Variants in SLC34A3 observed in about 807,000 individuals in gnomAD.
SLC34A3 encodes sodium-dependent phosphate transport protein 2C.
Under a neutral mutation model 43.9 loss-of-function variants are expected in SLC34A3, and 60 were observed. The observed-to-expected ratio is 1.37, with a 90% CI of 1.11 to 1.70. The LOEUF (loss-of-function observed/expected upper bound fraction) is 1.70. SLC34A3 is among the 40% of genes most tolerant of loss of function. SLC34A3 has a pLI of 0.00. For missense variants in SLC34A3, 969 were observed against 823.8 expected (o/e 1.18, Z -2.16); for synonymous variants, 451 against 386.2 (o/e 1.17, Z -1.97).
rs983070559 is a variant in SLC34A3 at position 137,232,509 on chromosome 9, G to A, written c.176-66G>A. On this transcript the variant is annotated intron_variant, in intron 3 of 12. Coordinates refer to ENST00000673835, the MANE Select transcript of SLC34A3 (RefSeq NM_001177316.2). ...AGAGGAGAGAGGGGGCAGAGAATGA[G>A]GGGCCTGGGAGGGAGACCTGTCAGG... The A allele has an allele frequency of 2.0e-5, 32 of 1,599,200 alleles. No individual in the cohort carries two copies. In the African/African-American group the frequency reaches 2.7e-4, roughly 13 times the overall value.
In SLC34A3 at chr9:137,236,505, T is replaced by G; in HGVS notation, c.*89T>G. On this transcript the variant is annotated 3_prime_UTR_variant, in exon 13 of 13. Coordinates refer to ENST00000673835, the MANE Select transcript of SLC34A3 (RefSeq NM_001177316.2). ...GGGGGGGTCCCCGCGGCAGCTGACC[T>G]CCGGTCACCTGCTTCCCCTTCTGTG... is the stretch of plus-strand genomic sequence containing the variant. 3 of 1,048,628 alleles carry G rather than the reference T, an allele frequency of 2.9e-6. No individual in the cohort carries two copies. The highest frequency in any genetic ancestry group is 4.3e-6 in the Non-Finnish European group (3 of 704,134). 65.0% of individuals were successfully genotyped at this position (1,048,628 alleles called of 1,614,324 possible).
At chr9:137,235,412 T>C (rs1836530838) in intron 12 of SLC34A3, among the ~76,000 whole-genome samples, 1 of 152,136 alleles carries the variant, frequency 6.6e-6, no homozygotes, top group Non-Finnish European at 1.5e-5. Flanking sequence ...CGCTCGTTCT[T>C]CTTGCCTCTG....
intron 9 of SLC34A3, 47 bp downstream of exon 9, chr9:137,233,988 C>G (rs773241274): frequency 8.0e-6 from 12 of 1,492,264 alleles, no homozygotes; most frequent in South Asian, 1.3e-5. Flanking sequence ...CACACTCCCC[C>G]TCACCGGCCC....
In SLC34A3 at chr9:137,234,140, G is replaced by A. The variant is rs774385997; in HGVS notation, c.957G>A (p.Thr319=). 1.1e-5 allele frequency: 18 copies of A among 1,592,862 alleles called. No individual in the cohort carries two copies. Among genetic ancestry groups the A allele is most frequent in the East Asian group, 2.3e-5 (1 of 44,334 alleles). ...CRHLFAGTEL[T]DLAVGCILLA... ...ACCTGTTTGCGGGCACGGAGCTCAC[G>A]GACCTGGCCGTGGGCTGCATCCTGC... The change falls in exon 10 of 13, where the codon ACG becomes ACA. Residue 319 remains threonine, a synonymous_variant. Transcript: ENST00000673835. The surrounding 1 kb of genome is among the most constrained non-coding windows in gnomAD (Gnocchi z 6.9).
Position 137,232,799 on chromosome 9 carries a change from A to G in SLC34A3, c.320A>G (p.Asp107Gly), listed in dbSNP as rs200389769. 4.5e-5 allele frequency: 72 copies of G among 1,613,064 alleles called. No homozygotes were observed. The African/African-American group carries it at 6.8e-4, about 15-fold the overall frequency. The change falls in exon 5 of 13, where the codon GAC becomes GGC. Residue 107 changes from aspartate (D) to glycine (G), a missense_variant. Physicochemically the swap from Asp to Gly is moderately conservative, Grantham distance 94. Transcript: ENST00000673835. ...FQLLGSKVAG[D>G]IFKDNVVLSN... ...GCCGGTGTAGGCAAAGTGGCCGGAGACATCTTCAAGGACAACGTGGTGCTG... is the reference window on the plus strand; with the variant it reads ...GCCGGTGTAGGCAAAGTGGCCGGAGGCATCTTCAAGGACAACGTGGTGCTG...
intron 12 of SLC34A3, among the ~76,000 whole-genome samples, chr9:137,235,418 C>T (rs1489677995): frequency 6.6e-6 from 1 of 152,202 alleles, no homozygotes; most frequent in Admixed American, 6.5e-5. Flanking sequence ...TTCTTCTTGC[C>T]TCTGCCCTGT....
In SLC34A3 at chr9:137,234,501, C is replaced by G; in HGVS notation, c.1179C>G (p.Ser393Arg). 2 of 1,604,730 alleles carry G rather than the reference C, an allele frequency of 1.2e-6. No homozygotes were observed. The highest frequency in any genetic ancestry group is 4.5e-5 in the East Asian group (2 of 44,804). The change falls in exon 11 of 13, where the codon AGC becomes AGG. Residue 393 changes from serine (S) to arginine (R), a missense_variant. By Grantham distance (110) the Ser-to-Arg change is moderately radical. Transcript: ENST00000673835. This position sits in a 1 kb window ranked among gnomAD's most constrained non-coding sequence, Gnocchi z 6.9. The part of the protein sequence containing the change: ...AGLTFALQSS[S>R]VFTAAVVPLM... ...TGACCTTCGCACTGCAGAGCAGCAG[C>G]GTCTTCACGGCGGCCGTCGTGCCCC...
rs121918235 is a variant in SLC34A3 at position 137,234,634 on chromosome 9, C to T, written c.1238C>T (p.Ala413Val). ...GTCGGGGTGATCAGTCTGGACCGGGCGTACCCCCTCTTACTGGGCTCCAAC... is the reference window on the plus strand; with the variant it reads ...GTCGGGGTGATCAGTCTGGACCGGGTGTACCCCCTCTTACTGGGCTCCAAC... ...MGVGVISLDRAYPLLLGSNIG... is the reference protein window; with the variant it reads ...MGVGVISLDRVYPLLLGSNIG... The change falls in exon 12 of 13, where the codon GCG becomes GTG. Residue 413 changes from alanine to valine, a missense_variant. Transcript: ENST00000673835. This position sits in a 1 kb window ranked among gnomAD's most constrained non-coding sequence, Gnocchi z 6.9. 22 of 1,612,334 alleles carry T rather than the reference C, an allele frequency of 1.4e-5. No individual in the cohort carries two copies. The highest frequency in any genetic ancestry group is 1.7e-5 in the Admixed American group (1 of 59,984).
chr9:137,236,523 C>G lies in SLC34A3; in HGVS notation c.*107C>G, dbSNP rs553682484. On this transcript the variant is annotated 3_prime_UTR_variant, in exon 13 of 13. Transcript: ENST00000673835. ...GCTGACCTCCGGTCACCTGCTTCCC[C>G]TTCTGTGCAAATAAACCAGGCTGTT... is the stretch of plus-strand genomic sequence containing the variant. 2.5e-5 allele frequency: 24 copies of G among 945,958 alleles called. No individual in the cohort carries two copies. Among genetic ancestry groups the G allele is most frequent in the Non-Finnish European group, 3.3e-5 (20 of 611,430 alleles). 58.6% of individuals were successfully genotyped at this position (945,958 alleles called of 1,614,324 possible). A position where few individuals can be genotyped will look rare whatever the true frequency, so the allele number is the denominator to read the frequency against.
Position 137,232,929 on chromosome 9 carries a change from T to C in SLC34A3, c.448+2T>C, listed in dbSNP as rs929081423. ...TGGTCAGCATGGTGGCTGCTAAGCGTGGGTGCACACTCCCTCCCCGGGTGG... is the reference window on the plus strand; with the variant it reads ...TGGTCAGCATGGTGGCTGCTAAGCGCGGGTGCACACTCCCTCCCCGGGTGG... On this transcript the variant is annotated splice_donor_variant, in intron 5 of 12. Coordinates refer to ENST00000673835, the MANE Select transcript of SLC34A3 (RefSeq NM_001177316.2). LOFTEE classifies it high-confidence loss of function. 6 of 1,573,132 alleles carry C rather than the reference T, an allele frequency of 3.8e-6. No homozygotes were observed. The highest frequency in any genetic ancestry group is 5.2e-6 in the Non-Finnish European group (6 of 1,158,706).
At chr9:137,233,779 T>TGGGGCCCCCCCCCCCCCCC in intron 8 of SLC34A3, 57 bp downstream of exon 8, 1 of 1,445,824 alleles carries the variant, frequency 6.9e-7, no homozygotes, top group Non-Finnish European at 9.6e-7. Context: ...TGCTGAGTCA[T>TGGGGCCCCCCCCCCCCCCC]CCCGCCCCAC....
At chr9:137,229,807 C>G (rs1159520005), upstream of SLC34A3, among the ~76,000 whole-genome samples, 1 of 152,130 alleles carries the variant, frequency 6.6e-6, no homozygotes, top group Non-Finnish European at 1.5e-5. Flanking sequence ...TTCCTGGCTC[C>G]GAGCAGCCAC....
In SLC34A3 at chr9:137,236,479, A is replaced by T; in HGVS notation, c.*63A>T. On this transcript the variant is annotated 3_prime_UTR_variant, in exon 13 of 13. Transcript: ENST00000673835. ...CTGGGAGGGCTCTGGAGGGCCCTGG[A>T]GGGGGGGTCCCCGCGGCAGCTGACC... The T allele has an allele frequency of 2.1e-6, 3 of 1,407,522 alleles. No homozygotes were observed. The highest frequency in any genetic ancestry group is 2.0e-5 in the Admixed American group (1 of 50,740). 87.2% of individuals were successfully genotyped at this position (1,407,522 alleles called of 1,614,324 possible).
chr9:137,231,988 GC>G (rs1450130798), intron 2 of SLC34A3, 83 bp from the exon 3 acceptor site: 11 of 1,376,894 alleles, frequency 8.0e-6, no homozygotes, highest in African/African-American at 1.4e-5. Flanking sequence ...TTACGCCTCA[GC>G]CCGTCCTCCG....
Position 137,232,100 on chromosome 9 carries a change from G to A in SLC34A3, c.114G>A (p.Glu38=), listed in dbSNP as rs1181248664. 2 of 1,613,280 alleles carry A rather than the reference G, an allele frequency of 1.2e-6. No individual in the cohort carries two copies. The highest frequency in any genetic ancestry group is 2.2e-5 in the South Asian group (2 of 91,088). ...EGTSSSAPVL[E]EGDTDPWTLP... Reference sequence around the variant, plus strand: ...CCTCCAGTTCTGCTCCAGTCTTGGAGGAAGGGGACACAGACCCCTGGACCC... The same window carrying A: ...CCTCCAGTTCTGCTCCAGTCTTGGAAGAAGGGGACACAGACCCCTGGACCC... Residue 38 remains glutamate (E), a synonymous_variant, in exon 3 of 13, where the codon GAG becomes GAA. Transcript: ENST00000673835.
Position 137,232,640 on chromosome 9 carries a change from G to T in SLC34A3, c.241G>T (p.Gly81Cys). The T allele has an allele frequency of 6.2e-7, 1 of 1,612,694 alleles. No individual in the cohort carries two copies. The change falls in exon 4 of 13, where the codon GGC (glycine) becomes TGC (cysteine). Residue 81 changes from glycine (G) to cysteine (C), a missense_variant. Transcript: ENST00000673835. ...GSVLKACGLL[G>C]SLYFFICSLD... ...CGTCCTCAAGGCCTGCGGGCTCCTC[G>T]GCAGCCTGTACTTCTTCATCTGCTC...
intron 3 of SLC34A3, among the ~76,000 whole-genome samples, 199 bp downstream of exon 3, chr9:137,232,360 G>A (rs990008548): frequency 6.6e-6 from 1 of 152,208 alleles, no homozygotes; most frequent in African/African-American, 2.4e-5. Context: ...CTGCCCATCC[G>A]TCCCTCCCCT....
chr9:137,232,597 G>A lies in SLC34A3; in HGVS notation c.198G>A (p.Leu66=), dbSNP rs1564416164. 7 of 1,609,172 alleles carry A rather than the reference G, an allele frequency of 4.4e-6. No individual in the cohort carries two copies. In the Admixed American group the frequency reaches 5.0e-5, roughly 12 times the overall value. ...PWKELRVAGR[L]RRVAGSVLKA... ...CAGAGCTCCGCGTGGCCGGCAGGCT[G>A]CGCCGCGTGGCCGGCAGCGTCCTCA... The change falls in exon 4 of 13, where the codon CTG becomes CTA. Residue 66 remains leucine (L), a synonymous_variant. Coordinates refer to ENST00000673835, the MANE Select transcript of SLC34A3 (RefSeq NM_001177316.2).
chr9:137,230,837 TCAGTACC>T (rs1440791364), upstream of SLC34A3: 1 of 152,116 alleles, frequency 6.6e-6, no homozygotes, highest in African/African-American at 2.4e-5. Context: ...ATTAATGGGC[TCAGTACC>T]CAGCAGGTCA....
Sources: gnomAD v4.1 joint callset for allele counts (sites outside exome capture counted in the v4.1 genomes callset) on GRCh38, gnomAD v4.1.1 for gene constraint, Gnocchi (gnomAD v3.1) non-coding constraint, MANE v1.5 for transcripts, NCBI Gene and HGNC (gene_info 2026-07-23, HGNC 2026-07-21) for gene names.